Variants in FAM168A observed in about 807,000 individuals in gnomAD.
The protein encoded by FAM168A is protein FAM168A.
FAM168A carries 3 observed loss-of-function variants against 28.5 expected under a neutral mutation model. The ratio of observed to expected loss-of-function variants is 0.11; its 90% CI spans 0.05 to 0.27. The LOEUF is 0.27. FAM168A is among the 10% of genes least tolerant of loss of function. FAM168A has a pLI of 1.00. For synonymous variants in FAM168A, 122 were observed against 124.2 expected (o/e 0.98, Z 0.12); for missense variants, 222 against 311.5 (o/e 0.71, Z 2.16).
chr11:73,544,012 G>A (rs558402727), intron 1 of FAM168A, among the ~76,000 whole-genome samples: 53 of 152,240 alleles, frequency 3.5e-4, no homozygotes, highest in African/African-American at 1.2e-3. Flanking sequence ...CATGCCTGTA[G>A]TCCTAGCTAG....
intron 1 of FAM168A, among the ~76,000 whole-genome samples, chr11:73,485,111 G>C (rs924419401): frequency 6.6e-6 from 1 of 152,068 alleles, no homozygotes; most frequent in Non-Finnish European, 1.5e-5. Context: ...CAATCAAGTT[G>C]ACACTCAGTA....
At chr11:73,507,000 G>A (rs1288021853) in intron 1 of FAM168A, among the ~76,000 whole-genome samples, 2 of 152,120 alleles carry the variant, frequency 1.3e-5, no homozygotes, top group Non-Finnish European at 2.9e-5. Context: ...ACACTTAAGA[G>A]TGTTGCAAAT....
intron 1 of FAM168A, among the ~76,000 whole-genome samples, chr11:73,577,960 G>A (rs1944195768): frequency 6.6e-6 from 1 of 152,172 alleles, no homozygotes; most frequent in Non-Finnish European, 1.5e-5. Context: ...AGCCCATTCA[G>A]TGGAAGAGAA....
intron 1 of FAM168A, among the ~76,000 whole-genome samples, chr11:73,593,420 C>G (rs752807175): frequency 1.6e-4 from 24 of 152,186 alleles, no homozygotes; most frequent in Non-Finnish European, 3.1e-4. Flanking sequence ...CCAGACTTTT[C>G]CACTGACTGT....
rs1197322143 is a variant in FAM168A at position 73,482,740 on chromosome 11, TTTTG to T, written c.-18-14252_-18-14249del. Among the ~76,000 whole-genome samples, 6 of 152,080 alleles carry T rather than the reference TTTTG, an allele frequency of 3.9e-5. No individual in the cohort carries two copies. The East Asian group carries it at 1.2e-3, about 29-fold the overall frequency. On this transcript the variant is annotated intron_variant, in intron 1 of 7. Transcript: ENST00000356467. Reference sequence around the variant, plus strand: ...TTAAGAACAAGTTTTTTTTGTGTTGTTTTGTTTTTTTCTTTTGAGACAGAGTCTC... The same window carrying T: ...TTAAGAACAAGTTTTTTTTGTGTTGTTTTTTTTCTTTTGAGACAGAGTCTC...
At chr11:73,501,295 A>G (rs1855006509) in intron 1 of FAM168A, among the ~76,000 whole-genome samples, 1 of 152,216 alleles carries the variant, frequency 6.6e-6, no homozygotes, top group Non-Finnish European at 1.5e-5. Context: ...TGAGACAGAA[A>G]ATTAACAAGG....
chr11:73,442,417 C>T (rs576760010), intron 2 of FAM168A, among the ~76,000 whole-genome samples: 5 of 152,270 alleles, frequency 3.3e-5, no homozygotes, highest in Admixed American at 2.0e-4. Context: ...TGAGCCACCG[C>T]GCCCGGCCTC....
intron 1 of FAM168A, among the ~76,000 whole-genome samples, chr11:73,483,337 T>A (rs1433690003): frequency 6.6e-6 from 1 of 152,178 alleles, no homozygotes; most frequent in African/African-American, 2.4e-5. Context: ...AGAAGGGTAA[T>A]TACTGAGCCT....
chr11:73,425,207 G>A (rs1866867189), intron 3 of FAM168A, among the ~76,000 whole-genome samples: 1 of 152,156 alleles, frequency 6.6e-6, no homozygotes, highest in Admixed American at 6.5e-5. Context: ...CCTAGAGAGG[G>A]TGACAGACAT....
At chr11:73,534,300 TG>T (rs1943549364) in intron 1 of FAM168A, among the ~76,000 whole-genome samples, 1 of 152,040 alleles carries the variant, frequency 6.6e-6, no homozygotes, top group African/African-American at 2.4e-5. Flanking sequence ...AAGTCAGCAG[TG>T]GGAAAAAACA....
chr11:73,411,420 A>G lies in FAM168A; in HGVS notation c.394T>C (p.Tyr132His). The G allele has an allele frequency of 1.2e-6, 2 of 1,610,210 alleles. No individual in the cohort carries two copies. Among genetic ancestry groups the G allele is most frequent in the Non-Finnish European group, 1.7e-6 (2 of 1,178,012 alleles). ...TGGGCATACAGATTCTGCTGGGGGT[A>G]GGCACTTCTGATTGGATACATGGCC... ...QTAMYPIRSAYPQQNLYAQGA... is the reference protein window; with the variant it reads ...QTAMYPIRSAHPQQNLYAQGA... The change falls in exon 5 of 8, where the codon TAC becomes CAC. Residue 132 changes from tyrosine (Y) to histidine (H), a missense_variant. This residue lies in a region of FAM168A where 153 missense variants were observed against 189.2 expected (regional missense o/e 0.81). Transcript: ENST00000356467.
intron 2 of FAM168A, among the ~76,000 whole-genome samples, chr11:73,454,607 T>TA (rs1213461204): frequency 6.6e-6 from 1 of 150,782 alleles, no homozygotes; most frequent in East Asian, 1.9e-4. Context: ...AGTGAGAACT[T>TA]ATATCTCTGT....
At chr11:73,539,930 C>A (rs1274983193) in intron 1 of FAM168A, among the ~76,000 whole-genome samples, 1 of 152,182 alleles carries the variant, frequency 6.6e-6, no homozygotes, top group Admixed American at 6.5e-5. Context: ...GACAGGGAAG[C>A]ACCAGAGTAG....
At chr11:73,460,453 T>A (rs1278115337) in intron 2 of FAM168A, among the ~76,000 whole-genome samples, 1 of 151,662 alleles carries the variant, frequency 6.6e-6, no homozygotes. Flanking sequence ...CTGTGCTAGG[T>A]ACTGGGGATA....
chr11:73,593,822 G>A (rs1278612783), intron 1 of FAM168A, among the ~76,000 whole-genome samples: 1 of 152,098 alleles, frequency 6.6e-6, no homozygotes, highest in Non-Finnish European at 1.5e-5. Flanking sequence ...TTACAGATGA[G>A]CCCATTGTGC....
intron 2 of FAM168A, among the ~76,000 whole-genome samples, chr11:73,435,375 C>T (rs1867069243): frequency 6.6e-6 from 1 of 152,224 alleles, no homozygotes; most frequent in Non-Finnish European, 1.5e-5. Context: ...TAATCACACT[C>T]CTGTTTTGTC....
At chr11:73,407,786 G>A in intron 6 of FAM168A, 143 bp from the exon 7 acceptor site, 1 of 674,332 alleles carries the variant, frequency 1.5e-6, no homozygotes, top group Non-Finnish European at 2.5e-6. Flanking sequence ...CCTGTTTTCT[G>A]CCCTTCTCCA....
Position 73,421,072 on chromosome 11 carries a change from G to GGC in FAM168A, c.152-1074_152-1073insGC, listed in dbSNP as rs1555017539. Among the ~76,000 whole-genome samples, 1,004 of 100,414 alleles carry GGC rather than the reference G, an allele frequency of 1.0e-2. 10 individuals carry two copies. Among genetic ancestry groups the GGC allele is most frequent in the African/African-American group, 0.047 (874 of 18,590 alleles). The allele number at this position is 100,414 out of a possible 152,430, so 65.9% of individuals were successfully genotyped here. A position where few individuals can be genotyped will look rare whatever the true frequency, so the allele number is the denominator to read the frequency against. On this transcript the variant is annotated intron_variant, in intron 3 of 7. Coordinates refer to ENST00000356467, the MANE Select transcript of FAM168A (RefSeq NM_015159.3). ...ATATTTTCCACTCAAATAAAGTCTT[G>GGC]GGGGGGGGGTCATGGATATGGGGTG...
chr11:73,572,844 T>C (rs913630636), intron 1 of FAM168A, among the ~76,000 whole-genome samples: 6 of 151,790 alleles, frequency 4.0e-5, no homozygotes, highest in African/African-American at 7.3e-5. Flanking sequence ...CAAATCCCCC[T>C]CTGTGAGAAA....
Sources: allele counts gnomAD v4.1 joint callset (sites outside exome capture counted in the v4.1 genomes callset), GRCh38; gene constraint gnomAD v4.1.1; regional missense constraint gnomAD v4.1.1; transcripts MANE v1.5; gene names NCBI Gene and HGNC (gene_info 2026-07-23, HGNC 2026-07-21).